The following SH3PXD2A variants were observed in gnomAD, a reference collection of about 807,000 sequenced individuals.
SH3PXD2A encodes the protein SH3 and PX domains 2A.
A neutral mutation model predicts 115.2 loss-of-function variants in SH3PXD2A; 32 were observed. The observed-to-expected ratio is 0.28, with a 90% CI of 0.21 to 0.37. The LOEUF (loss-of-function observed/expected upper bound fraction) is 0.37, where lower values mean the gene tolerates loss of function less well. Ranked by LOEUF, SH3PXD2A falls within the 10% of genes least tolerant of loss-of-function variation. The pLI is 1.00. For missense variants in SH3PXD2A, 1,328 were observed against 1,498.7 expected (o/e 0.89, Z 1.88); for synonymous variants, 610 against 629.1 (o/e 0.97, Z 0.45).
intron 6 of SH3PXD2A, among the ~76,000 whole-genome samples, chr10:103,671,383 C>T (rs1005691768): frequency 4.6e-5 from 7 of 152,198 alleles, no homozygotes; most frequent in Non-Finnish European, 8.8e-5. Context: ...AGCAGACAAC[C>T]GGAGCTCATG....
chr10:103,709,102 T>C (rs1330400140), intron 5 of SH3PXD2A, among the ~76,000 whole-genome samples: 3 of 151,970 alleles, frequency 2.0e-5, no homozygotes, highest in African/African-American at 7.2e-5. Context: ...CTCTGAGCCA[T>C]TCAGAGGAGC....
intron 5 of SH3PXD2A, among the ~76,000 whole-genome samples, chr10:103,719,548 G>T (rs2038152508): frequency 6.6e-6 from 1 of 152,108 alleles, no homozygotes; most frequent in Admixed American, 6.5e-5. Context: ...CACTGTTCTG[G>T]GTGCTGGGGA....
chr10:103,847,672 G>C (rs12412398), intron 1 of SH3PXD2A, among the ~76,000 whole-genome samples: 132,107 of 151,990 alleles, frequency 0.87, 58,603 homozygotes, highest in East Asian at 0.99. Flanking sequence ...GGCGCAGCGG[G>C]TCACACTTGT....
At chr10:103,654,011 T>C (rs1256103866) in intron 8 of SH3PXD2A, among the ~76,000 whole-genome samples, 3 of 151,512 alleles carry the variant, frequency 2.0e-5, no homozygotes, top group Non-Finnish European at 4.4e-5. Context: ...CCTGTACTCC[T>C]CGCTCTGCCT....
chr10:103,703,211 T>C (rs1000486527), intron 5 of SH3PXD2A, among the ~76,000 whole-genome samples: 49 of 152,334 alleles, frequency 3.2e-4, no homozygotes, highest in African/African-American at 1.1e-3. Flanking sequence ...CCCACCTGCA[T>C]GGCCCTGGGA....
At chr10:103,766,357 T>A (rs575796453) in intron 3 of SH3PXD2A, among the ~76,000 whole-genome samples, 1 of 152,350 alleles carries the variant, frequency 6.6e-6, no homozygotes, top group South Asian at 2.1e-4. Context: ...ATCGCTTATC[T>A]GGTGCAGGGC....
At chr10:103,838,789 A>G (rs2039569878) in intron 1 of SH3PXD2A, among the ~76,000 whole-genome samples, 1 of 152,212 alleles carries the variant, frequency 6.6e-6, no homozygotes, top group African/African-American at 2.4e-5. Flanking sequence ...CAACACAATC[A>G]GGGCCAATGA....
chr10:103,776,108 C>T (rs943589850), intron 2 of SH3PXD2A, among the ~76,000 whole-genome samples: 1 of 152,114 alleles, frequency 6.6e-6, no homozygotes, highest in Non-Finnish European at 1.5e-5. Flanking sequence ...AGTGTATAGC[C>T]GGACACCGTG....
At chr10:103,726,446 A>G (rs2038242799) in intron 4 of SH3PXD2A, among the ~76,000 whole-genome samples, 2 of 152,202 alleles carry the variant, frequency 1.3e-5, no homozygotes, top group Non-Finnish European at 2.9e-5. Context: ...ACAGGCACCC[A>G]CGGAGGGTGG....
chr10:103,779,766 T>A (rs2038915026), intron 2 of SH3PXD2A, among the ~76,000 whole-genome samples: 1 of 152,130 alleles, frequency 6.6e-6, no homozygotes, highest in African/African-American at 2.4e-5. Flanking sequence ...AGATTTGAGG[T>A]GTTTTCTGGC....
At chr10:103,611,768 T>A in intron 12 of SH3PXD2A, 138 bp from the exon 13 acceptor site, 1 of 730,436 alleles carries the variant, frequency 1.4e-6, no homozygotes, top group South Asian at 1.6e-5. Flanking sequence ...GACTTGACAC[T>A]CTAAGTCACT....
chr10:103,674,606 G>A (rs1311443599), intron 6 of SH3PXD2A, among the ~76,000 whole-genome samples: 1 of 152,200 alleles, frequency 6.6e-6, no homozygotes, highest in Non-Finnish European at 1.5e-5. Flanking sequence ...CAGATCAGGA[G>A]GTCAGGAGTT....
chr10:103,776,610 C>T (rs920828199), intron 2 of SH3PXD2A, among the ~76,000 whole-genome samples: 3 of 152,104 alleles, frequency 2.0e-5, no homozygotes, highest in African/African-American at 7.2e-5. Context: ...CCTCTGAGGG[C>T]TGTGAGAGAG....
chr10:103,661,656 T>A (rs1357621542), intron 7 of SH3PXD2A: 4 of 984,918 alleles, frequency 4.1e-6, no homozygotes, highest in Non-Finnish European at 3.6e-6. Context: ...AAGGCAGCCC[T>A]GCTCCCTCGG....
At chr10:103,780,409 G>A (rs1345598311) in intron 2 of SH3PXD2A, among the ~76,000 whole-genome samples, 2 of 152,232 alleles carry the variant, frequency 1.3e-5, no homozygotes, top group East Asian at 1.9e-4. Context: ...AAGCGAAAGA[G>A]TAGGCTACTG....
In SH3PXD2A at chr10:103,601,922, T is replaced by C; in HGVS notation, c.3296A>G (p.Glu1099Gly). The stretch of plus-strand genomic sequence containing the variant: ...GCCATTAGGGTTCCTCTCCAGAACC[T>C]CCATGGACACCCCCTCCTGGAAGCC... Reference protein sequence around the residue: ...TAGFQEGVSMEVLERNPNGWW... With the variant: ...TAGFQEGVSMGVLERNPNGWW... Residue 1099 changes from glutamate (E) to glycine (G), a missense_variant, in exon 15 of 15, where the codon GAG becomes GGG. Coordinates refer to ENST00000369774, the MANE Select transcript of SH3PXD2A (RefSeq NM_001394015.1). The C allele has an allele frequency of 6.2e-7, 1 of 1,613,910 alleles. No homozygotes were observed. The highest frequency in any genetic ancestry group is 8.5e-7 in the Non-Finnish European group (1 of 1,179,922).
rs150239469 is a variant in SH3PXD2A at position 103,830,343 on chromosome 10, G to T, written c.72+24852C>A. Among the ~76,000 whole-genome samples, 13 of 152,266 alleles carry T rather than the reference G, an allele frequency of 8.5e-5. No homozygotes were observed. In the East Asian group the frequency reaches 2.5e-3, roughly 29 times the overall value. On this transcript the variant is annotated intron_variant, in intron 1 of 14. Transcript: ENST00000369774. The stretch of plus-strand genomic sequence containing the variant: ...TATGTCTTCCAATGTAGGCTGAATC[G>T]GTCCTTAGGGAGAAGTGCCAATAGG...
rs1592252121 is a variant in SH3PXD2A, at chr10:103,596,653, A to ACT, written c.*5162_*5163insAG. ...TACACAGACACACACACACACACAC[A>ACT]CACACACACACTCTCTCTCTCTCTC... On this transcript the variant is annotated 3_prime_UTR_variant, in exon 15 of 15. Coordinates refer to ENST00000369774, the MANE Select transcript of SH3PXD2A (RefSeq NM_001394015.1). 1.6e-5 allele frequency: 1 copy of ACT among 60,942 alleles called. No individual in the cohort carries two copies. The highest frequency in any genetic ancestry group is 1.9e-4 in the Admixed American group (1 of 5,134). 3.8% of individuals were successfully genotyped at this position (60,942 alleles called of 1,614,324 possible).
At chr10:103,696,853 C>T (rs1359926970) in intron 5 of SH3PXD2A, among the ~76,000 whole-genome samples, 1 of 152,196 alleles carries the variant, frequency 6.6e-6, no homozygotes, top group Non-Finnish European at 1.5e-5. Flanking sequence ...CCCAGGAAAA[C>T]AGGGACATGG....
Sources: allele counts gnomAD v4.1 joint callset (sites outside exome capture counted in the v4.1 genomes callset), GRCh38; gene constraint gnomAD v4.1.1; transcripts MANE v1.5; gene names NCBI Gene and HGNC (gene_info 2026-07-23, HGNC 2026-07-21).